SETX: variants seen among roughly 807,000 people sequenced by gnomAD.
The protein encoded by SETX is senataxin.
SETX carries 90 observed loss-of-function variants against 227.2 expected under a neutral mutation model. That is an observed-to-expected ratio of 0.40 (90% CI 0.33 to 0.47). The LOEUF (loss-of-function observed/expected upper bound fraction) is 0.47, where lower values mean the gene tolerates loss of function less well. Among genes scored for constraint, SETX ranks in the 20% least tolerant of loss-of-function variants. SETX has a pLI of 0.91. For synonymous variants in SETX, 1,210 were observed against 1,113.2 expected, an observed-to-expected ratio of 1.09 and a Z score of -1.73; for missense variants, 3,052 against 3,181.5, an observed-to-expected ratio of 0.96 and a Z score of 0.98.
intron 20 of SETX, among the ~76,000 whole-genome samples, chr9:132,279,121 C>T (rs762757559): frequency 3.9e-5 from 6 of 152,172 alleles, no homozygotes; most frequent in African/African-American, 1.4e-4. Context: ...CGAAGCTGTG[C>T]TAAATGGATT....
intron 25 of SETX, chr9:132,269,369 C>G: frequency 1.4e-6 from 2 of 1,443,596 alleles, no homozygotes; most frequent in South Asian, 1.2e-5. Flanking sequence ...AACAATAATC[C>G]TATGATGTGG....
intron 7 of SETX, among the ~76,000 whole-genome samples, chr9:132,331,688 T>A (rs866100101): frequency 2.1e-4 from 32 of 148,844 alleles, no homozygotes; most frequent in African/African-American, 4.5e-4. Context: ...AAAAAAAAAA[T>A]TTAGTGGCAA....
rs775112319 is a variant in SETX, at chr9:132,326,586, C to T, written c.5012G>A (p.Gly1671Asp). Residue 1671 changes from glycine (G) to aspartate (D), a missense_variant, in exon 10 of 26, where the codon GGT becomes GAT. Gly to Asp is a moderately conservative substitution (Grantham distance 94, BLOSUM62 -1). Coordinates refer to ENST00000224140, the MANE Select transcript of SETX (RefSeq NM_015046.7). ...GCTTTCACCAAATGGAACTTTGCAA[C>T]CTTGCCTGTTGGAATTATTCGGAGA... ...PQSPNNSNRQGCKVPFGESKY... is the reference protein window; with the variant it reads ...PQSPNNSNRQDCKVPFGESKY... 5.1e-5 allele frequency: 82 copies of T among 1,614,118 alleles called. No homozygotes were observed. In the South Asian group the frequency reaches 8.9e-4, roughly 18 times the overall value.
At chr9:132,333,396 A>ATAT (rs1400505311) in intron 7 of SETX, among the ~76,000 whole-genome samples, 3 of 41,026 alleles carry the variant, frequency 7.3e-5, no homozygotes, top group African/African-American at 3.3e-4. Context: ...AAAAAAAAAA[A>ATAT]AGAAAAAAAA....
intron 15 of SETX, among the ~76,000 whole-genome samples, chr9:132,290,648 A>C (rs2131258497): frequency 6.7e-6 from 1 of 150,372 alleles, no homozygotes; most frequent in African/African-American, 2.5e-5. Context: ...TAATCCTAGC[A>C]CTTTGGGAGG....
Position 132,331,313 on chromosome 9 carries a change from T to C in SETX, c.974A>G (p.Asn325Ser). Reference sequence around the variant, plus strand: ...GTTCCGTATATGTCGGATCTCTCTATTGTAGCTTGCGTTGTTGATAATGGT... The same window carrying C: ...GTTCCGTATATGTCGGATCTCTCTACTGTAGCTTGCGTTGTTGATAATGGT... The part of the protein sequence containing the change: ...FQTIINNASY[N>S]REIRHIRNSS... The change falls in exon 8 of 26, where the codon AAT becomes AGT. Residue 325 changes from asparagine (N) to serine (S), a missense_variant. This residue lies in a region of SETX where 239 missense variants were observed against 240.8 expected (regional missense o/e 0.99). Transcript: ENST00000224140. 2.5e-6 allele frequency: 4 copies of C among 1,614,140 alleles called. No homozygotes were observed. The highest frequency in any genetic ancestry group is 3.4e-6 in the Non-Finnish European group (4 of 1,180,006).
intron 12 of SETX, among the ~76,000 whole-genome samples, chr9:132,298,849 T>A (rs981017832): frequency 6.6e-6 from 1 of 152,144 alleles, no homozygotes; most frequent in African/African-American, 2.4e-5. Flanking sequence ...GCTGTGCAGA[T>A]CACAGTAATG....
At chr9:132,342,599 T>G in intron 5 of SETX, 91 bp downstream of exon 5, 1 of 1,005,198 alleles carries the variant, frequency 9.9e-7, no homozygotes, top group Admixed American at 1.7e-5. Context: ...GCAAACATTT[T>G]AAACAAAATC....
At chr9:132,324,264 AAAT>A (rs1172328446) in intron 10 of SETX, among the ~76,000 whole-genome samples, 2 of 152,230 alleles carry the variant, frequency 1.3e-5, no homozygotes, top group African/African-American at 2.4e-5. Context: ...TAGGAAAAAA[AAAT>A]AATAAAGCAA....
chr9:132,264,147 TA>T lies in SETX; in HGVS notation c.*91del. ...GTTTTCCAACAGCACACAAACTCCT[TA>T]CAAAAAACAAGCTTATCTAGATGGT... On this transcript the variant is annotated 3_prime_UTR_variant, in exon 26 of 26. Transcript: ENST00000224140. The T allele has an allele frequency of 6.3e-7, 1 of 1,579,028 alleles. No individual in the cohort carries two copies. Among genetic ancestry groups the T allele is most frequent in the East Asian group, 2.2e-5 (1 of 44,716 alleles).
At chr9:132,283,616 C>A (rs185983304) in intron 18 of SETX, among the ~76,000 whole-genome samples, 2 of 152,164 alleles carry the variant, frequency 1.3e-5, no homozygotes, top group Non-Finnish European at 2.9e-5. Context: ...ATGTGTGCTT[C>A]GCGGCTGAAA....
chr9:132,329,371 A>ATAC lies in SETX; in HGVS notation c.2224_2226dup (p.Val742dup). The stretch of plus-strand genomic sequence containing the variant: ...CTAGAATCAGTCAACAAACGTGTTG[A>ATAC]TACTATTATTCCTCTGTCACATCCC... On this transcript the variant is annotated inframe_insertion, in exon 10 of 26. Coordinates refer to ENST00000224140, the MANE Select transcript of SETX (RefSeq NM_015046.7). The ATAC allele has an allele frequency of 6.2e-7, 1 of 1,613,998 alleles. No homozygotes were observed.
Position 132,326,913 on chromosome 9 carries a change from C to T in SETX, c.4685G>A (p.Gly1562Asp), listed in dbSNP as rs771969117. The change falls in exon 10 of 26, where the codon GGT (glycine) becomes GAT (aspartate). Residue 1562 changes from glycine (G) to aspartate (D), a missense_variant. This residue lies in a region of SETX where 1,483 missense variants were observed against 1,312.0 expected (regional missense o/e 1.13). Coordinates refer to ENST00000224140, the MANE Select transcript of SETX (RefSeq NM_015046.7). ...TTCAGAGTGTTTTGGGCAGTATTCACCCTGGTTTTTTGTGGTTTCAAGACA... is the reference window on the plus strand; with the variant it reads ...TTCAGAGTGTTTTGGGCAGTATTCATCCTGGTTTTTTGTGGTTTCAAGACA... ...KDCLETTKNQ[G>D]EYCPKHSEVK... 33 of 1,614,026 alleles carry T rather than the reference C, an allele frequency of 2.0e-5. No homozygotes were observed. The highest frequency in any genetic ancestry group is 2.7e-5 in the Non-Finnish European group (32 of 1,180,040).
chr9:132,265,227 T>G (rs1014088230), intron 25 of SETX, among the ~76,000 whole-genome samples: 11 of 144,196 alleles, frequency 7.6e-5, no homozygotes, highest in South Asian at 2.3e-4. Context: ...AACTTTTGTT[T>G]TTTTTTTTTT....
intron 17 of SETX, among the ~76,000 whole-genome samples, chr9:132,286,825 G>A (rs1195819430): frequency 6.6e-6 from 1 of 152,182 alleles, no homozygotes; most frequent in Admixed American, 6.5e-5. Context: ...TCTAACACAG[G>A]CCTGGCCAAT....
Position 132,329,270 on chromosome 9 carries a change from T to C in SETX, c.2328A>G (p.Ser776=), listed in dbSNP as rs781352426. 6.2e-7 allele frequency: 1 copy of C among 1,613,844 alleles called. No homozygotes were observed. The highest frequency in any genetic ancestry group is 1.1e-5 in the South Asian group (1 of 91,024). The stretch of plus-strand genomic sequence containing the variant: ...CTTTCTGTACCTTAGTTTTTCGTTT[T>C]GAGGTTTTAGCAAGAGCATCATCCT... ...SLKDDALAKT[S]KRKTKVQKDE... The change falls in exon 10 of 26, where the codon TCA becomes TCG. Residue 776 remains serine, a synonymous_variant. Coordinates refer to ENST00000224140, the MANE Select transcript of SETX (RefSeq NM_015046.7).
chr9:132,265,732 A>G lies in SETX; in HGVS notation c.7288-747T>C, dbSNP rs1005986089. 6.6e-5 allele frequency among the ~76,000 whole-genome samples: 10 copies of G among 152,276 alleles called. No individual in the cohort carries two copies. In the East Asian group the frequency reaches 1.5e-3, roughly 24 times the overall value. ...GCAGACACAAAACATTTCCGTTATCACAGAAAGGTCCTTTGGACATTGGTG... is the reference window on the plus strand; with the variant it reads ...GCAGACACAAAACATTTCCGTTATCGCAGAAAGGTCCTTTGGACATTGGTG... On this transcript the variant is annotated intron_variant, in intron 25 of 25. Coordinates refer to ENST00000224140, the MANE Select transcript of SETX (RefSeq NM_015046.7).
chr9:132,313,285 T>TA lies in SETX; in HGVS notation c.5275-1430dup, dbSNP rs545332498. On this transcript the variant is annotated intron_variant, in intron 10 of 25. Transcript: ENST00000224140. ...TGCATCCTAGTGTGTACAACAAAGATAAAAAAAATGGATCACTAAAATTTT... is the reference window on the plus strand; with the variant it reads ...TGCATCCTAGTGTGTACAACAAAGATAAAAAAAAATGGATCACTAAAATTTT... Among the ~76,000 whole-genome samples, 109 of 151,876 alleles carry TA rather than the reference T, an allele frequency of 7.2e-4. 2 individuals carry two copies. The highest frequency in any genetic ancestry group is 5.2e-3 in the East Asian group (27 of 5,170).
At chr9:132,323,255 C>A (rs1048196130) in intron 10 of SETX, among the ~76,000 whole-genome samples, 1 of 152,048 alleles carries the variant, frequency 6.6e-6, no homozygotes, top group Non-Finnish European at 1.5e-5. Flanking sequence ...AACTAACGTA[C>A]CTGATCATGA....
Sources: allele counts gnomAD v4.1 joint callset (sites outside exome capture counted in the v4.1 genomes callset), GRCh38; gene constraint gnomAD v4.1.1; regional missense constraint gnomAD v4.1.1; transcripts MANE v1.5; gene names NCBI Gene and HGNC (gene_info 2026-07-23, HGNC 2026-07-21).